MGST1: variants seen among roughly 807,000 people sequenced by gnomAD.
MGST1 encodes microsomal glutathione S-transferase 1.
MGST1 carries 5 observed loss-of-function variants against 8.9 expected under a neutral mutation model. The ratio of observed to expected loss-of-function variants is 0.56; its 90% CI spans 0.29 to 1.19. The LOEUF (loss-of-function observed/expected upper bound fraction) is 1.19. Ranked by LOEUF, MGST1 falls within the 50% of genes most tolerant of loss-of-function variation. MGST1 has a pLI of 0.08. For missense variants in MGST1, 182 were observed against 187.4 expected, an observed-to-expected ratio of 0.97 and a Z score of 0.17; for synonymous variants, 54 against 67.8, an observed-to-expected ratio of 0.80 and a Z score of 1.00.
At chr12:16,441,005 A>C (rs1185591268), downstream of MGST1, among the ~76,000 whole-genome samples, 1 of 151,742 alleles carries the variant, frequency 6.6e-6, no homozygotes, top group Non-Finnish European at 1.5e-5. Context: ...AGCTATTTGG[A>C]TATTATCTTT....
chr12:16,496,268 G>C (rs1187973824), intron 4 of MGST1, among the ~76,000 whole-genome samples: 1 of 152,052 alleles, frequency 6.6e-6, no homozygotes, highest in East Asian at 1.9e-4. Flanking sequence ...CTCCAGGGGA[G>C]TGCACAGATC....
chr12:16,363,836 G>C lies in MGST1; in HGVS notation c.263G>C (p.Gly88Ala). 1.2e-6 allele frequency: 2 copies of C among 1,610,934 alleles called. No homozygotes were observed. The highest frequency in any genetic ancestry group is 1.3e-5 in the African/African-American group (1 of 74,960). ...CTTGAAAATATTATTCCATTTCTTGGAATTGGCCTCCTGTATTCCTTGAGT... is the reference window on the plus strand; with the variant it reads ...CTTGAAAATATTATTCCATTTCTTGCAATTGGCCTCCTGTATTCCTTGAGT... ...NDLENIIPFL[G>A]IGLLYSLSGP... The change falls in exon 4 of 4, where the codon GGA becomes GCA. Residue 88 changes from glycine (G) to alanine (A), a missense_variant. By Grantham distance (60) the Gly-to-Ala change is moderately conservative (BLOSUM62 0). Transcript: ENST00000396210. This position sits in a 1 kb window ranked among gnomAD's most constrained non-coding sequence, Gnocchi z 4.6.
chr12:16,427,225 T>C (rs1318356784), intron 1 of MGST1, among the ~76,000 whole-genome samples: 1 of 151,940 alleles, frequency 6.6e-6, no homozygotes, highest in Non-Finnish European at 1.5e-5. Flanking sequence ...AATGTCCAAG[T>C]GAGAAGAGGT....
At chr12:16,399,553 C>T (rs1448265589) in intron 1 of MGST1, 2 of 1,573,658 alleles carry the variant, frequency 1.3e-6, no homozygotes, top group East Asian at 2.2e-5. Context: ...TCACTGTCCT[C>T]CTCTTCCTCT....
chr12:16,433,346 C>T (rs1940955843), intron 1 of MGST1, among the ~76,000 whole-genome samples: 1 of 152,018 alleles, frequency 6.6e-6, no homozygotes, highest in Non-Finnish European at 1.5e-5. Flanking sequence ...CTCACAGACA[C>T]ACCCAGGAAT....
chr12:16,368,517 G>A (rs899645554), downstream of MGST1, among the ~76,000 whole-genome samples: 2 of 152,280 alleles, frequency 1.3e-5, no homozygotes, highest in African/African-American at 4.8e-5. Flanking sequence ...CCTGCCATCA[G>A]CCAAAGCGGC....
intron 4 of MGST1, among the ~76,000 whole-genome samples, chr12:16,451,951 T>C (rs1941132610): frequency 1.3e-5 from 2 of 151,900 alleles, no homozygotes; most frequent in South Asian, 4.1e-4. Flanking sequence ...AAATACTTAA[T>C]AAGATTTGCA....
intron 1 of MGST1, among the ~76,000 whole-genome samples, chr12:16,414,120 G>T (rs557228820): frequency 5.5e-4 from 84 of 151,600 alleles, no homozygotes; most frequent in African/African-American, 2.0e-3. Context: ...GGTAATATTG[G>T]TGCTCAGAAA....
intron 1 of MGST1, among the ~76,000 whole-genome samples, chr12:16,422,121 A>G (rs1367596480): frequency 6.6e-6 from 1 of 152,142 alleles, no homozygotes; most frequent in Non-Finnish European, 1.5e-5. Context: ...TGATCATTGG[A>G]TGAGACTGGC....
Position 16,401,351 on chromosome 12 carries a change from C to T in MGST1, n.778+17747C>T. On this transcript the variant is annotated intron_variant and non_coding_transcript_variant, in intron 1 of 1. Coordinates refer to the MGST1 transcript ENST00000359720. The surrounding 1 kb of genome is among the most constrained non-coding windows in gnomAD (Gnocchi z 4.3). ...TTACTATTGATTACTAGGAAGCTTT[C>T]ATGGAATTCAATTCCCACCCCAAAT... is the stretch of plus-strand genomic sequence containing the variant. The T allele has an allele frequency of 7.7e-7, 1 of 1,293,176 alleles. No homozygotes were observed. The allele number at this position is 1,293,176 out of a possible 1,614,324, so 80.1% of individuals were successfully genotyped here.
At chr12:16,350,944 T>G (rs1939435046) in intron 1 of MGST1, 1 of 152,168 alleles carries the variant, frequency 6.6e-6, no homozygotes, top group Admixed American at 6.5e-5. Context: ...ATTGCCCTTT[T>G]TCCCAGCCAC....
chr12:16,359,961 C>T (rs921328017), intron 3 of MGST1, among the ~76,000 whole-genome samples: 2 of 152,194 alleles, frequency 1.3e-5, no homozygotes, highest in Non-Finnish European at 2.9e-5. Context: ...AGGAAAACGA[C>T]GTTATCTAAA....
rs893573063 is a variant in MGST1, at chr12:16,537,332, C to A, written n.483-52196C>A. ...TCCACCCCTATGGCTTTGCAGGGTA[C>A]AGCCCCTCTCCTGGCTGCTTTCATG... On this transcript the variant is annotated intron_variant and non_coding_transcript_variant, in intron 4 of 4. Coordinates refer to the MGST1 transcript ENST00000538857. This position sits in a 1 kb window ranked among gnomAD's most constrained non-coding sequence, Gnocchi z 4.6. 6.6e-6 allele frequency among the ~76,000 whole-genome samples: 1 copy of A among 152,218 alleles called. No individual in the cohort carries two copies. Among genetic ancestry groups the A allele is most frequent in the Non-Finnish European group, 1.5e-5 (1 of 68,036 alleles).
intron 4 of MGST1, among the ~76,000 whole-genome samples, chr12:16,578,172 T>G: frequency 6.6e-6 from 1 of 152,302 alleles, no homozygotes; most frequent in Non-Finnish European, 1.5e-5. Context: ...TTCATGAAAC[T>G]TAGAAAATGT....
At chr12:16,468,996 G>A (rs896806984) in intron 4 of MGST1, among the ~76,000 whole-genome samples, 6 of 152,134 alleles carry the variant, frequency 3.9e-5, no homozygotes, top group Non-Finnish European at 8.8e-5. Flanking sequence ...AGACAGACAA[G>A]GTAGAAGGAA....
intron 4 of MGST1, among the ~76,000 whole-genome samples, chr12:16,545,485 A>G (rs991983840): frequency 6.6e-6 from 1 of 152,004 alleles, no homozygotes; most frequent in African/African-American, 2.4e-5. Flanking sequence ...TTAAAATATC[A>G]AAGACAAATA....
chr12:16,576,274 G>A lies in MGST1; in HGVS notation n.483-13254G>A, dbSNP rs959986197. Reference sequence around the variant, plus strand: ...AGGATAGATGCAGGGAAGCATGAAAGGTCCATCCTGTCTGTCTTCTTTTCT... The same window carrying A: ...AGGATAGATGCAGGGAAGCATGAAAAGTCCATCCTGTCTGTCTTCTTTTCT... On this transcript the variant is annotated intron_variant and non_coding_transcript_variant, in intron 4 of 4. Coordinates refer to the MGST1 transcript ENST00000538857. The surrounding 1 kb of genome is among the most constrained non-coding windows in gnomAD (Gnocchi z 4.1). Among the ~76,000 whole-genome samples, 1 of 152,080 alleles carries A rather than the reference G, an allele frequency of 6.6e-6. No individual in the cohort carries two copies. Among genetic ancestry groups the A allele is most frequent in the Non-Finnish European group, 1.5e-5 (1 of 68,016 alleles).
At chr12:16,479,551 T>TTTTTTGG (rs1655629199) in intron 4 of MGST1, among the ~76,000 whole-genome samples, 1 of 146,028 alleles carries the variant, frequency 6.8e-6, no homozygotes, top group African/African-American at 2.6e-5. Flanking sequence ...TTTTTTTTTT[T>TTTTTTGG]GAGACAGGGT....
rs1940657512 is a variant in MGST1, at chr12:16,401,824, C to T, written n.778+18220C>T. 1.2e-6 allele frequency: 2 copies of T among 1,604,526 alleles called. No individual in the cohort carries two copies. The highest frequency in any genetic ancestry group is 1.7e-5 in the Admixed American group (1 of 59,992). On this transcript the variant is annotated intron_variant and non_coding_transcript_variant, in intron 1 of 1. Coordinates refer to the MGST1 transcript ENST00000359720. The surrounding 1 kb of genome is among the most constrained non-coding windows in gnomAD (Gnocchi z 4.3). ...GCATCAACTATTTCCATGACTCTTT[C>T]CTTGAAGAATTTGTTGAAGACTTCA...
Sources: gnomAD v4.1 joint callset for allele counts (sites outside exome capture counted in the v4.1 genomes callset) on GRCh38, gnomAD v4.1.1 for gene constraint, Gnocchi (gnomAD v3.1) non-coding constraint, MANE v1.5 for transcripts, NCBI Gene and HGNC (gene_info 2026-07-23, HGNC 2026-07-21) for gene names.